UGT2A3: variants seen among roughly 807,000 people sequenced by gnomAD.
UGT2A3 encodes the protein UDP-glucuronosyltransferase 2A3.
Under a neutral mutation model 44.1 loss-of-function variants are expected in UGT2A3, and 55 were observed. The ratio of observed to expected loss-of-function variants is 1.25; its 90% CI spans 1.00 to 1.56. UGT2A3 has a LOEUF of 1.56. Among genes scored for constraint, UGT2A3 ranks in the 40% most tolerant of loss-of-function variants. UGT2A3 has a pLI of 0.00. For missense variants in UGT2A3, 733 were observed against 621.6 expected (o/e 1.18, Z -1.91); for synonymous variants, 243 against 215.1 (o/e 1.13, Z -1.13).
At position 68,945,461 on chromosome 4, in the gene UGT2A3, A is replaced by T. The variant is rs373421810; in HGVS notation, c.716-7T>A. 4 of 1,588,182 alleles carry T rather than the reference A, an allele frequency of 2.5e-6. No homozygotes were observed. The highest frequency in any genetic ancestry group is 1.8e-5 in the Admixed American group (1 of 55,760). The stretch of plus-strand genomic sequence containing the variant: ...CATAATGTAGTGGGCCTTCCTCAAT[A>T]AAAGAAATAACAGAATGAATTAGCA... On this transcript the variant is annotated splice_polypyrimidine_tract_variant and splice_region_variant and intron_variant, in intron 1 of 5. Coordinates refer to ENST00000251566, the MANE Select transcript of UGT2A3 (RefSeq NM_024743.4).
chr4:68,931,873 A>C (rs1717749188), intron 3 of UGT2A3, among the ~76,000 whole-genome samples: 1 of 152,142 alleles, frequency 6.6e-6, no homozygotes, highest in South Asian at 2.1e-4. Context: ...ACATTTGAAA[A>C]CAAAGAACGG....
At chr4:68,943,526 A>T in intron 2 of UGT2A3, 1 of 266,698 alleles carries the variant, frequency 3.7e-6, no homozygotes, top group Non-Finnish European at 6.9e-6. Context: ...TAAAATGGGA[A>T]ATGAGGGTTT....
chr4:68,929,109 A>G lies in UGT2A3; in HGVS notation c.*704T>C, dbSNP rs751362978. On this transcript the variant is annotated 3_prime_UTR_variant, in exon 6 of 6. Coordinates refer to ENST00000251566, the MANE Select transcript of UGT2A3 (RefSeq NM_024743.4). ...TGTTCACCTTGAATATCTTACTGAC[A>G]TGTTCTCTATGTGAGAAAAAAAATA... The G allele has an allele frequency of 1.3e-5, 2 of 152,060 alleles. No individual in the cohort carries two copies. Among genetic ancestry groups the G allele is most frequent in the Non-Finnish European group, 2.9e-5 (2 of 67,992 alleles). The allele number at this position is 152,060 out of a possible 1,614,324, so 9.4% of individuals were successfully genotyped here. A position where few individuals can be genotyped will look rare whatever the true frequency, so the allele number is the denominator to read the frequency against.
At chr4:68,930,258 A>G (rs1717680922) in intron 5 of UGT2A3, among the ~76,000 whole-genome samples, 166 bp from the exon 6 acceptor site, 1 of 152,118 alleles carries the variant, frequency 6.6e-6, no homozygotes, top group South Asian at 2.1e-4. Flanking sequence ...TTAAACAGAT[A>G]TAGTGGAGAG....
intron 1 of UGT2A3, among the ~76,000 whole-genome samples, chr4:68,947,473 A>C (rs943822978): frequency 6.6e-6 from 1 of 151,826 alleles, no homozygotes; most frequent in Non-Finnish European, 1.5e-5. Flanking sequence ...AATTCTTCAC[A>C]TGATGTCTTC....
rs1717606667 is a variant in UGT2A3 at position 68,928,704 on chromosome 4, G to T, written c.*1109C>A. On this transcript the variant is annotated 3_prime_UTR_variant, in exon 6 of 6. Transcript: ENST00000251566. ...AAAAAATGAGAAGATTAACATATTT[G>T]CTTATTAGTGTAAACATTATTACAC... is the stretch of plus-strand genomic sequence containing the variant. The T allele has an allele frequency of 2.0e-5, 3 of 151,770 alleles. No individual in the cohort carries two copies. In the South Asian group the frequency reaches 6.2e-4, roughly 31 times the overall value. 9.4% of individuals were successfully genotyped at this position (151,770 alleles called of 1,614,324 possible).
intron 3 of UGT2A3, among the ~76,000 whole-genome samples, chr4:68,931,904 T>A (rs1717752704): frequency 6.6e-6 from 1 of 151,956 alleles, no homozygotes. Flanking sequence ...TCAAACTACT[T>A]AACAGATAAT....
rs370790102 is a variant in UGT2A3 at position 68,930,546 on chromosome 4, G to A, written c.1304C>T (p.Ser435Phe). The change falls in exon 5 of 6, where the codon TCT becomes TTT. Residue 435 changes from serine (S) to phenylalanine (F), a missense_variant and splice_region_variant. Physicochemically the swap from Ser to Phe is radical, Grantham distance 155 (BLOSUM62 -2). Coordinates refer to ENST00000251566, the MANE Select transcript of UGT2A3 (RefSeq NM_024743.4). ...RALRTVITDSSYKENAMRLSR... is the reference protein window; with the variant it reads ...RALRTVITDSFYKENAMRLSR... Reference sequence around the variant, plus strand: ...AGTCTGTACAAGCAGTAGTACTTACGAGGAATCGGTAATGACTGTTCTCAA... The same window carrying A: ...AGTCTGTACAAGCAGTAGTACTTACAAGGAATCGGTAATGACTGTTCTCAA... The A allele has an allele frequency of 4.5e-5, 73 of 1,605,372 alleles. No individual in the cohort carries two copies. The highest frequency in any genetic ancestry group is 5.5e-5 in the Non-Finnish European group (65 of 1,175,564).
chr4:68,948,441 T>C (rs1351419520), intron 1 of UGT2A3, among the ~76,000 whole-genome samples: 1 of 105,136 alleles, frequency 9.5e-6, no homozygotes, highest in Non-Finnish European at 2.0e-5. Context: ...TTTTTTTTCT[T>C]TTTTTTTTTT....
At chr4:68,949,502 C>T (rs1448006210) in intron 1 of UGT2A3, among the ~76,000 whole-genome samples, 1 of 151,724 alleles carries the variant, frequency 6.6e-6, no homozygotes, top group African/African-American at 2.4e-5. Context: ...CCCAGATCAC[C>T]GTAACAGATA....
chr4:68,950,700 G>T (rs1246251396), intron 1 of UGT2A3, among the ~76,000 whole-genome samples: 1 of 151,716 alleles, frequency 6.6e-6, no homozygotes. Context: ...TTAAATACAT[G>T]ATGAGAGAGA....
At chr4:68,938,226 T>A (rs1016499426) in intron 2 of UGT2A3, among the ~76,000 whole-genome samples, 1 of 152,072 alleles carries the variant, frequency 6.6e-6, no homozygotes, top group Non-Finnish European at 1.5e-5. Context: ...ATCGTCCTGA[T>A]ACCAAAGCCT....
chr4:68,932,508 A>G, intron 3 of UGT2A3, 120 bp downstream of exon 3: 2 of 1,148,928 alleles, frequency 1.7e-6, no homozygotes, highest in Non-Finnish European at 2.5e-6. Context: ...ACACTACTAT[A>G]ATGTTTTGCA....
In UGT2A3 at chr4:68,951,800, T is replaced by C. The variant is rs2109801270; in HGVS notation, c.-40A>G. ...CACACACTGATCTGCAATGGTTTTG[T>C]AGTTACTAAGCAAGGAGTTGAAATG... On this transcript the variant is annotated 5_prime_UTR_variant, in exon 1 of 6. Coordinates refer to ENST00000251566, the MANE Select transcript of UGT2A3 (RefSeq NM_024743.4). 1 of 1,464,568 alleles carries C rather than the reference T, an allele frequency of 6.8e-7. No homozygotes were observed. The highest frequency in any genetic ancestry group is 9.2e-7 in the Non-Finnish European group (1 of 1,088,178). 90.7% of individuals were successfully genotyped at this position (1,464,568 alleles called of 1,614,324 possible).
chr4:68,942,201 C>T (rs1718212615), intron 2 of UGT2A3, among the ~76,000 whole-genome samples: 1 of 151,138 alleles, frequency 6.6e-6, no homozygotes, highest in Admixed American at 6.6e-5. Flanking sequence ...TATTCATATA[C>T]CCAAGGGATG....
intron 2 of UGT2A3, among the ~76,000 whole-genome samples, chr4:68,935,276 GTATATATATATATATATATATATATA>G (rs57286694): frequency 0.013 from 802 of 60,160 alleles, 28 homozygotes; most frequent in African/African-American, 0.039. Flanking sequence ...ATGTATGTAT[GTATATATATATATATATATATATATA>G]TATATATATA....
rs181898714 is a variant in UGT2A3 at position 68,939,318 on chromosome 4, C to A, written c.864+5988G>T. 9.2e-5 allele frequency among the ~76,000 whole-genome samples: 14 copies of A among 152,168 alleles called. No homozygotes were observed. The East Asian group carries it at 2.7e-3, about 30-fold the overall frequency. On this transcript the variant is annotated intron_variant, in intron 2 of 5. Coordinates refer to ENST00000251566, the MANE Select transcript of UGT2A3 (RefSeq NM_024743.4). ...AAACTACATTACAAGGCTGCAGTAA[C>A]CAAAACAACATGGTACTGGTATCAA... is the stretch of plus-strand genomic sequence containing the variant.
At position 68,929,963 on chromosome 4, in the gene UGT2A3, G is replaced by GGCTTGGCTC; in HGVS notation, c.1433_1434insGAGCCAAGC (p.Ala478_His479insSerGlnAla). ...AGTGCTGGAACCAGGTGAGGTCATG[G>GGCTTGGCTC]GCAGCTGATCGCAGGTGCTTGGCTC... On this transcript the variant is annotated inframe_insertion, in exon 6 of 6. Coordinates refer to ENST00000251566, the MANE Select transcript of UGT2A3 (RefSeq NM_024743.4). 6.2e-7 allele frequency: 1 copy of GGCTTGGCTC among 1,613,506 alleles called. No homozygotes were observed. The highest frequency in any genetic ancestry group is 8.5e-7 in the Non-Finnish European group (1 of 1,179,688).
At chr4:68,938,559 A>G (rs1352624789) in intron 2 of UGT2A3, among the ~76,000 whole-genome samples, 2 of 152,140 alleles carry the variant, frequency 1.3e-5, no homozygotes, top group African/African-American at 4.8e-5. Context: ...ATTTCAAAAT[A>G]ATAAGAGCTA....
Sources: gnomAD v4.1 joint callset for allele counts (sites outside exome capture counted in the v4.1 genomes callset) on GRCh38, gnomAD v4.1.1 for gene constraint, MANE v1.5 for transcripts, NCBI Gene and HGNC (gene_info 2026-07-23, HGNC 2026-07-21) for gene names.